The following DNAI4 variants were observed in gnomAD, a reference collection of about 807,000 sequenced individuals.
DNAI4 encodes the protein dynein axonemal intermediate chain 4.
DNAI4 carries 85 observed loss-of-function variants against 105.8 expected under a neutral mutation model. That is an observed-to-expected ratio of 0.80 (90% CI 0.67 to 0.96). The LOEUF is 0.96. Ranked by LOEUF, DNAI4 falls within the 40% of genes least tolerant of loss-of-function variation. The pLI, the probability that DNAI4 is intolerant of heterozygous loss-of-function variation, is 0.00. For synonymous variants in DNAI4, 352 were observed against 331.5 expected, an observed-to-expected ratio of 1.06 and a Z score of -0.67; for missense variants, 1,014 against 1,005.6, an observed-to-expected ratio of 1.01 and a Z score of -0.11.
chr1:66,858,795 G>A (rs1473148219), intron 7 of DNAI4, among the ~76,000 whole-genome samples: 2 of 152,050 alleles, frequency 1.3e-5, no homozygotes, highest in Non-Finnish European at 2.9e-5. Flanking sequence ...AGGAAGAGAA[G>A]GGGAACTTCC....
intron 16 of DNAI4, among the ~76,000 whole-genome samples, chr1:66,817,863 G>C (rs11589326): frequency 0.06 from 9,117 of 152,250 alleles, 346 homozygotes; most frequent in South Asian, 0.1. Flanking sequence ...ACAGGGCTCA[G>C]GCTGGCAGCT....
rs1344402112 is a variant in DNAI4, at chr1:66,924,543, A to G, written c.170+119T>C. ...TTGTGGCCTAGGAGCTTCAAGGTCT[A>G]CAGACTGAACCCAGTTAGGGTAGGG... is the stretch of plus-strand genomic sequence containing the variant. On this transcript the variant is annotated intron_variant, in intron 1 of 16. Transcript: ENST00000371026. The G allele has an allele frequency of 2.2e-6, 3 of 1,377,056 alleles. No homozygotes were observed. In the African/African-American group the frequency reaches 4.4e-5, roughly 20 times the overall value. The allele number at this position is 1,377,056 out of a possible 1,614,324, so 85.3% of individuals were successfully genotyped here.
chr1:66,915,444 T>C (rs1432881075), intron 1 of DNAI4, among the ~76,000 whole-genome samples: 1 of 152,224 alleles, frequency 6.6e-6, no homozygotes, highest in Non-Finnish European at 1.5e-5. Flanking sequence ...GGCGGTTTCA[T>C]AACTTTAAAT....
intron 1 of DNAI4, among the ~76,000 whole-genome samples, chr1:66,911,750 C>G (rs994504394): frequency 2.6e-5 from 4 of 152,226 alleles, no homozygotes. Context: ...CCTTACTCTT[C>G]ATACTTGTGA....
chr1:66,818,036 A>G (rs1645553506), intron 16 of DNAI4, among the ~76,000 whole-genome samples: 1 of 152,208 alleles, frequency 6.6e-6, no homozygotes, highest in Non-Finnish European at 1.5e-5. Flanking sequence ...CTGTGTAAAA[A>G]ATGATGCAGC....
Position 66,885,709 on chromosome 1 carries a change from A to G in DNAI4, c.643+5445T>C, listed in dbSNP as rs1368902032. ...CTGTCTGTACAAAAATAAAAGAGAA[A>G]AAAAGAAAACAATAAAAAATATATC... On this transcript the variant is annotated intron_variant, in intron 4 of 16. Coordinates refer to ENST00000371026, the MANE Select transcript of DNAI4 (RefSeq NM_024763.5). 5.9e-5 allele frequency among the ~76,000 whole-genome samples: 9 copies of G among 152,332 alleles called. No homozygotes were observed. The East Asian group carries it at 1.5e-3, about 26-fold the overall frequency.
In DNAI4 at chr1:66,922,190, G is replaced by A. The variant is rs186078667; in HGVS notation, c.170+2472C>T. Among the ~76,000 whole-genome samples, 484 of 152,220 alleles carry A rather than the reference G, an allele frequency of 3.2e-3. 2 individuals carry two copies. Among genetic ancestry groups the A allele is most frequent in the Non-Finnish European group, 5.3e-3 (359 of 68,020 alleles). On this transcript the variant is annotated intron_variant, in intron 1 of 16. Transcript: ENST00000371026. The stretch of plus-strand genomic sequence containing the variant: ...AATTTGCCCACTTCAGCCTCATAAA[G>A]TGGTGGAATTACAGGCATGAGCCAC...
chr1:66,873,276 C>T (rs983590666), intron 5 of DNAI4, among the ~76,000 whole-genome samples: 2 of 149,328 alleles, frequency 1.3e-5, no homozygotes, highest in African/African-American at 4.9e-5. Flanking sequence ...TGGTCTCTCT[C>T]GGTTGACCAG....
chr1:66,880,452 C>T (rs1053401599), intron 4 of DNAI4, among the ~76,000 whole-genome samples: 5 of 152,120 alleles, frequency 3.3e-5, no homozygotes, highest in African/African-American at 1.2e-4. Flanking sequence ...CTGAGGTAGT[C>T]TCAGATGGAA....
intron 5 of DNAI4, among the ~76,000 whole-genome samples, chr1:66,872,454 C>G (rs1231148521): frequency 6.6e-6 from 1 of 151,952 alleles, no homozygotes; most frequent in East Asian, 1.9e-4. Context: ...CTCATGAACT[C>G]CTGACCTCAG....
chr1:66,865,442 A>C lies in DNAI4; in HGVS notation c.941-3140T>G, dbSNP rs1646713622. Among the ~76,000 whole-genome samples, 5 of 152,246 alleles carry C rather than the reference A, an allele frequency of 3.3e-5. No homozygotes were observed. The South Asian group carries it at 1.0e-3, about 32-fold the overall frequency. On this transcript the variant is annotated intron_variant, in intron 6 of 16. Transcript: ENST00000371026. The stretch of plus-strand genomic sequence containing the variant: ...CCATCTCAAAACAACAACAACAACA[A>C]AAAGATTTTATGGATCAATAAAAGT...
intron 1 of DNAI4, among the ~76,000 whole-genome samples, chr1:66,920,281 C>A (rs534216948): frequency 6.6e-6 from 1 of 152,208 alleles, no homozygotes; most frequent in African/African-American, 2.4e-5. Context: ...CCGTTCTGTC[C>A]CCTTTTCAGC....
intron 1 of DNAI4, among the ~76,000 whole-genome samples, chr1:66,911,450 T>C (rs1042726489): frequency 2.0e-5 from 3 of 152,202 alleles, no homozygotes; most frequent in African/African-American, 7.2e-5. Flanking sequence ...ATTCAGCCTC[T>C]TTCCCCTCCC....
chr1:66,890,943 C>T lies in DNAI4; in HGVS notation c.643+211G>A, dbSNP rs553581741. On this transcript the variant is annotated intron_variant, in intron 4 of 16. Transcript: ENST00000371026. The surrounding 1 kb of genome is among the most constrained non-coding windows in gnomAD (Gnocchi z 4.1). ...GCAGCAGCTGAGCTCTAACACAAAGCGCCATTGGTTCCTCAGGCTGATGAT... is the reference window on the plus strand; with the variant it reads ...GCAGCAGCTGAGCTCTAACACAAAGTGCCATTGGTTCCTCAGGCTGATGAT... The T allele has an allele frequency of 1.6e-5, 9 of 570,008 alleles. No homozygotes were observed. The highest frequency in any genetic ancestry group is 1.4e-4 in the South Asian group (7 of 50,072). 35.3% of individuals were successfully genotyped at this position (570,008 alleles called of 1,614,324 possible).
chr1:66,871,253 T>C (rs185093867), intron 6 of DNAI4, 117 bp downstream of exon 6: 2 of 906,782 alleles, frequency 2.2e-6, no homozygotes, highest in African/African-American at 1.7e-5. Context: ...CTGTTGTGGT[T>C]TGGCCAAATT....
chr1:66,840,478 T>A lies in DNAI4; in HGVS notation c.1485A>T (p.Lys495Asn), dbSNP rs750395946. ...ATGTTTGATAACTTACTGGATTTGT[T>A]TTATTCCAGGCAAGGCTGCTCACAT... is the stretch of plus-strand genomic sequence containing the variant. ...GLNVSSLAWN[K>N]TNPDLLAVGY... is the part of the protein sequence containing the mutation. The change falls in exon 9 of 17, where the codon AAA becomes AAT. Residue 495 changes from lysine (K) to asparagine (N), a missense_variant. Coordinates refer to ENST00000371026, the MANE Select transcript of DNAI4 (RefSeq NM_024763.5). The A allele has an allele frequency of 6.2e-7, 1 of 1,613,862 alleles. No homozygotes were observed. The highest frequency in any genetic ancestry group is 1.7e-5 in the Admixed American group (1 of 60,024).
intron 13 of DNAI4, among the ~76,000 whole-genome samples, chr1:66,832,117 C>T (rs1645878461): frequency 6.6e-6 from 1 of 152,156 alleles, no homozygotes; most frequent in African/African-American, 2.4e-5. Context: ...CAAATGTTCC[C>T]TAACGGGAAA....
At chr1:66,891,812 G>C (rs6703322) in intron 3 of DNAI4, among the ~76,000 whole-genome samples, 11,085 of 152,152 alleles carry the variant, frequency 0.073, 635 homozygotes, top group African/African-American at 0.16. Context: ...AAAGTCCTTC[G>C]GTGAATTACC....
intron 4 of DNAI4, among the ~76,000 whole-genome samples, chr1:66,877,423 G>T (rs746677653): frequency 6.6e-6 from 1 of 152,042 alleles, no homozygotes; most frequent in South Asian, 2.1e-4. Context: ...AATCACCCAA[G>T]GGCTTAGCAA....
Sources: allele counts gnomAD v4.1 joint callset (sites outside exome capture counted in the v4.1 genomes callset), GRCh38; gene constraint gnomAD v4.1.1; non-coding constraint Gnocchi (gnomAD v3.1); transcripts MANE v1.5; gene names NCBI Gene and HGNC (gene_info 2026-07-23, HGNC 2026-07-21).